The following SYTL5 variants were observed in gnomAD, a reference collection of about 807,000 sequenced individuals.
SYTL5 encodes synaptotagmin-like protein 5.
SYTL5 carries 34 observed loss-of-function variants against 55.9 expected under a neutral mutation model. The ratio of observed to expected loss-of-function variants is 0.61; its 90% confidence interval spans 0.46 to 0.81. The LOEUF (loss-of-function observed/expected upper bound fraction) is 0.81, where lower values mean the gene tolerates loss of function less well. Among genes scored for constraint, SYTL5 ranks in the 30% least tolerant of loss-of-function variants. The pLI, the probability that SYTL5 is intolerant of heterozygous loss-of-function variation, is 0.00. For missense variants in SYTL5, 637 were observed against 546.7 expected (o/e 1.17, Z -1.65); for synonymous variants, 221 against 188.7 (o/e 1.17, Z -1.40).
rs997642404 is a variant in SYTL5 at position 38,073,537 on chromosome X, T to A, written c.446-53T>A. On this transcript the variant is annotated intron_variant, in intron 4 of 16. Coordinates refer to ENST00000297875, the MANE Select transcript of SYTL5 (RefSeq NM_138780.3). ...GTGAAAGCAGAATATAAATTTGCTCTCATTTCTGGCCATTTTGTATGTAAA... is the reference window on the plus strand; with the variant it reads ...GTGAAAGCAGAATATAAATTTGCTCACATTTCTGGCCATTTTGTATGTAAA... 13 of 925,675 alleles carry A rather than the reference T, an allele frequency of 1.4e-5. No homozygotes were observed. The Admixed American group carries it at 3.8e-4, about 27-fold the overall frequency. 76.3% of individuals were successfully genotyped at this position (925,675 alleles called of 1,213,427 possible).
intron 3 of SYTL5, among the ~76,000 whole-genome samples, chrX:38,060,614 T>G (rs754363750): frequency 8.9e-6 from 1 of 111,856 alleles, no homozygotes; most frequent in African/African-American, 3.2e-5. Context: ...CTACTTAAAG[T>G]ATATCAGGCT....
chrX:38,113,202 A>C (rs1937401262), intron 13 of SYTL5, among the ~76,000 whole-genome samples: 1 of 112,127 alleles, frequency 8.9e-6, no homozygotes, highest in African/African-American at 3.2e-5. Flanking sequence ...TTAGCTGTAA[A>C]GCCTTCTGAA....
chrX:37,914,287 A>G, the SYTL5 span, among the ~76,000 whole-genome samples: 1 of 112,053 alleles, frequency 8.9e-6, no homozygotes, highest in Non-Finnish European at 1.9e-5. Flanking sequence ...GAATGGCCAT[A>G]GCAACATGGT....
the SYTL5 span, among the ~76,000 whole-genome samples, chrX:37,907,255 T>G: frequency 8.9e-6 from 1 of 111,938 alleles, no homozygotes; most frequent in African/African-American, 3.3e-5. Flanking sequence ...AAACCATGTT[T>G]TTGTCTTGCT....
At chrX:38,103,543 A>G (rs1937134700) in intron 10 of SYTL5, among the ~76,000 whole-genome samples, 1 of 110,393 alleles carries the variant, frequency 9.1e-6, no homozygotes, top group South Asian at 4.0e-4. Flanking sequence ...TATAGACACA[A>G]ATCAGTGATA....
chrX:37,897,491 A>AAG, the SYTL5 span, among the ~76,000 whole-genome samples: 1 of 105,518 alleles, frequency 9.5e-6, no homozygotes, highest in East Asian at 3.0e-4. Context: ...TCAAAAAAAA[A>AAG]AAAAAATGAG....
chrX:38,057,405 A>T (rs1935821521), intron 3 of SYTL5, among the ~76,000 whole-genome samples: 1 of 111,827 alleles, frequency 8.9e-6, no homozygotes, highest in South Asian at 3.7e-4. Flanking sequence ...AAACATAGAA[A>T]TTATAGTTCT....
chrX:38,045,234 T>A (rs771059966), intron 2 of SYTL5, among the ~76,000 whole-genome samples: 1 of 112,155 alleles, frequency 8.9e-6, no homozygotes, highest in African/African-American at 3.2e-5. Context: ...TTGTCTCCAT[T>A]GTCCTTTTTA....
intron 2 of SYTL5, among the ~76,000 whole-genome samples, chrX:38,047,342 C>T (rs1424904244): frequency 8.9e-6 from 1 of 112,837 alleles, no homozygotes; most frequent in Non-Finnish European, 1.9e-5. Flanking sequence ...TCCCAAACCC[C>T]AATTCTTGAC....
the SYTL5 span, among the ~76,000 whole-genome samples, chrX:37,954,809 C>T: frequency 9.0e-6 from 1 of 111,522 alleles, no homozygotes; most frequent in East Asian, 2.8e-4. Flanking sequence ...ATAGCAACAT[C>T]GTGTGCAAAG....
the SYTL5 span, among the ~76,000 whole-genome samples, chrX:37,976,864 G>A: frequency 9.2e-6 from 1 of 109,028 alleles, no homozygotes; most frequent in African/African-American, 3.3e-5. Context: ...TACTCGGGAG[G>A]CTAAGGCAGG....
At chrX:38,037,025 C>T (rs1416206540) in intron 2 of SYTL5, among the ~76,000 whole-genome samples, 2 of 111,656 alleles carry the variant, frequency 1.8e-5, no homozygotes, top group Non-Finnish European at 3.8e-5. Context: ...TGGAGTCCCT[C>T]TCACCTCCTA....
At chrX:37,927,546 C>A in the SYTL5 span, among the ~76,000 whole-genome samples, 4 of 110,057 alleles carry the variant, frequency 3.6e-5, no homozygotes, top group Non-Finnish European at 7.6e-5. Flanking sequence ...GAGGTCGAGG[C>A]GGGCGGATCA....
In SYTL5 at chrX:38,073,684, G is replaced by A. The variant is rs769448816; in HGVS notation, c.540G>A (p.Gly180=). ...CTGGGAAGAAGGCCAGCCATGATGG[G>A]CCCAAGAGAAAGGGGTAAGACATGG... is the stretch of plus-strand genomic sequence containing the variant. ...PVAGKKASHD[G]PKRKGFLLSK... is the part of the protein sequence containing the mutation. The change falls in exon 5 of 17, where the codon GGG becomes GGA. Residue 180 remains glycine, a synonymous_variant. Transcript: ENST00000297875. 3.4e-6 allele frequency: 4 copies of A among 1,187,021 alleles called. No individual in the cohort carries two copies. The highest frequency in any genetic ancestry group is 1.9e-5 in the South Asian group (1 of 53,467).
intron 6 of SYTL5, among the ~76,000 whole-genome samples, chrX:38,084,673 C>T (rs887919118): frequency 9.2e-6 from 1 of 108,377 alleles, no homozygotes; most frequent in African/African-American, 3.4e-5. Context: ...AGAGGAAAAA[C>T]ATACTTAGAG....
At position 38,122,971 on chromosome X, in the gene SYTL5, C is replaced by T. The variant is rs138435318; in HGVS notation, c.1841+756C>T. ...TATTATCCCTGCCCTCATGGAACTC[C>T]GTAAAGCACATAAGGTAAAACAAAT... On this transcript the variant is annotated intron_variant, in intron 15 of 16. Coordinates refer to ENST00000297875, the MANE Select transcript of SYTL5 (RefSeq NM_138780.3). 7.9e-3 allele frequency among the ~76,000 whole-genome samples: 885 copies of T among 112,540 alleles called. 13 individuals are homozygous for T. The highest frequency in any genetic ancestry group is 0.032 in the Middle Eastern group (7 of 217).
the SYTL5 span, among the ~76,000 whole-genome samples, chrX:37,931,225 T>A: frequency 3.4e-3 from 382 of 112,109 alleles, 1 homozygote; most frequent in Middle Eastern, 0.023. Flanking sequence ...GAATTTGGCA[T>A]GTTAGAGAAT....
the SYTL5 span, among the ~76,000 whole-genome samples, chrX:37,985,017 A>G: frequency 8.9e-6 from 1 of 112,214 alleles, no homozygotes. Context: ...TACAGCCAAC[A>G]TCATACTTAA....
rs143532514 is a variant in SYTL5, at chrX:38,089,569, G to A, written c.813G>A (p.Val271=). Reference sequence around the variant, plus strand: ...CACCAGCCCCAAGCACACGAACTGTGACCTCAGTCATCAGTAGAGTAAGTA... The same window carrying A: ...CACCAGCCCCAAGCACACGAACTGTAACCTCAGTCATCAGTAGAGTAAGTA... ...QSSPAPSTRT[V]TSVISREYGF... Residue 271 remains valine, a synonymous_variant, in exon 7 of 17, where the codon GTG becomes GTA. Transcript: ENST00000297875. The A allele has an allele frequency of 1.6e-4, 199 of 1,208,203 alleles. 1 individual carries two copies. In the African/African-American group the frequency reaches 2.6e-3, roughly 16 times the overall value.
Sources: gnomAD v4.1 joint callset for allele counts (sites outside exome capture counted in the v4.1 genomes callset) on GRCh38, gnomAD v4.1.1 for gene constraint, MANE v1.5 for transcripts, NCBI Gene and HGNC (gene_info 2026-07-23, HGNC 2026-07-21) for gene names.